Variants in DPYSL5 observed in about 807,000 individuals in gnomAD.
DPYSL5 encodes the protein dihydropyrimidinase like 5.
Under a neutral mutation model 58.4 loss-of-function variants are expected in DPYSL5, and 9 were observed. The ratio of observed to expected loss-of-function variants is 0.15; its 90% CI spans 0.09 to 0.27. The LOEUF (loss-of-function observed/expected upper bound fraction) is 0.27. Ranked by LOEUF, DPYSL5 falls within the 10% of genes least tolerant of loss-of-function variation. The probability of loss-of-function intolerance (pLI) is 1.00; values close to 1 mark genes in which losing one functional copy is unlikely to be tolerated. For synonymous variants in DPYSL5, 293 were observed against 301.9 expected (o/e 0.97, Z 0.31); for missense variants, 499 against 770.6 (o/e 0.65, Z 4.17).
chr2:26,868,600 C>T (rs764790190), intron 1 of DPYSL5, among the ~76,000 whole-genome samples: 1 of 152,176 alleles, frequency 6.6e-6, no homozygotes, highest in Non-Finnish European at 1.5e-5. Context: ...TCATTTTCCC[C>T]ACTGAATTGA....
chr2:26,899,196 C>T (rs962402869), intron 2 of DPYSL5, among the ~76,000 whole-genome samples: 3 of 152,152 alleles, frequency 2.0e-5, no homozygotes, highest in Admixed American at 2.0e-4. Flanking sequence ...GAGACAGCTT[C>T]TATTACCTCT....
At chr2:26,918,135 CAAAAAAAAAAAAAA>C (rs71401540) in intron 2 of DPYSL5, among the ~76,000 whole-genome samples, 3 of 54,076 alleles carry the variant, frequency 5.5e-5, no homozygotes, top group South Asian at 1.3e-3. Context: ...GAGTCTGTCT[CAAAAAAAAAAAAAA>C]AAAAAAAAAA....
chr2:26,885,980 GT>G (rs1270104895), intron 1 of DPYSL5, among the ~76,000 whole-genome samples: 1 of 152,216 alleles, frequency 6.6e-6, no homozygotes, highest in Non-Finnish European at 1.5e-5. Context: ...TCTGGATGGG[GT>G]GACTGGGGAC....
chr2:26,913,330 C>T (rs1664487103), intron 2 of DPYSL5, among the ~76,000 whole-genome samples: 1 of 152,176 alleles, frequency 6.6e-6, no homozygotes, highest in Non-Finnish European at 1.5e-5. Flanking sequence ...TTTGACTACT[C>T]CAGGTCCCTC....
intron 6 of DPYSL5, among the ~76,000 whole-genome samples, chr2:26,932,112 G>A (rs1177917905): frequency 3.7e-5 from 3 of 81,484 alleles, no homozygotes; most frequent in East Asian, 3.7e-4. Context: ...AGAAAGAAAA[G>A]AAAAAAGAAA....
At chr2:26,917,874 G>A (rs923903315) in intron 2 of DPYSL5, among the ~76,000 whole-genome samples, 1 of 152,078 alleles carries the variant, frequency 6.6e-6, no homozygotes, top group Non-Finnish European at 1.5e-5. Flanking sequence ...AGTGACTCAC[G>A]CCTGTAATCC....
intron 2 of DPYSL5, among the ~76,000 whole-genome samples, chr2:26,914,591 T>C (rs1295271619): frequency 6.6e-6 from 1 of 152,158 alleles, no homozygotes; most frequent in South Asian, 2.1e-4. Flanking sequence ...CTGTTCTTTA[T>C]TGATGAGGCT....
rs965274126 is a variant in DPYSL5 at position 26,949,838 on chromosome 2, C to T, written c.*2843C>T. On this transcript the variant is annotated 3_prime_UTR_variant, in exon 13 of 13. Coordinates refer to ENST00000288699, the MANE Select transcript of DPYSL5 (RefSeq NM_020134.4). ...CCCCGTGCAGAGCTCCAGCCAGCTTCGTCACCAGCCCCACTGGCTCCTGGT... is the reference window on the plus strand; with the variant it reads ...CCCCGTGCAGAGCTCCAGCCAGCTTTGTCACCAGCCCCACTGGCTCCTGGT... The T allele has an allele frequency of 3.9e-5, 6 of 152,614 alleles. No homozygotes were observed. The highest frequency in any genetic ancestry group is 1.9e-4 in the East Asian group (1 of 5,178). The allele number at this position is 152,614 out of a possible 1,614,324, so 9.5% of individuals were successfully genotyped here.
chr2:26,861,543 G>A (rs1666017166), intron 1 of DPYSL5, among the ~76,000 whole-genome samples: 1 of 152,334 alleles, frequency 6.6e-6, no homozygotes, highest in Middle Eastern at 3.4e-3. Context: ...GGGCACTTTA[G>A]CTTTCAGTGA....
At chr2:26,866,329 G>T (rs1321738955) in intron 1 of DPYSL5, among the ~76,000 whole-genome samples, 1 of 152,134 alleles carries the variant, frequency 6.6e-6, no homozygotes, top group East Asian at 1.9e-4. Context: ...GTTTTCCCCT[G>T]ATTTTATTAA....
chr2:26,932,201 A>AAGAAAGAAAGAAAGAC (rs1558351662), intron 6 of DPYSL5, among the ~76,000 whole-genome samples: 17 of 58,898 alleles, frequency 2.9e-4, no homozygotes, highest in Non-Finnish European at 6.0e-4. Context: ...GAAAGAAAGA[A>AAGAAAGAAAGAAAGAC]AGAAAGAAAA....
intron 1 of DPYSL5, among the ~76,000 whole-genome samples, chr2:26,850,869 C>T (rs1044966490): frequency 2.6e-5 from 4 of 152,166 alleles, no homozygotes; most frequent in African/African-American, 9.7e-5. Flanking sequence ...AGGTGCCTCA[C>T]AGAATTTACA....
Position 26,934,698 on chromosome 2 carries a change from C to A in DPYSL5, c.911C>A (p.Thr304Asn). The A allele has an allele frequency of 6.2e-7, 1 of 1,614,178 alleles. No homozygotes were observed. Among genetic ancestry groups the A allele is most frequent in the Non-Finnish European group, 8.5e-7 (1 of 1,180,030 alleles). Reference sequence around the variant, plus strand: ...ACGGTGCCTCCCCTGAGACTGGACACCAACACCTCAACCTACCTCATGAGC... The same window carrying A: ...ACGGTGCCTCCCCTGAGACTGGACAACAACACCTCAACCTACCTCATGAGC... ...YVTVPPLRLD[T>N]NTSTYLMSLL... The change falls in exon 8 of 13, where the codon ACC (threonine) becomes AAC (asparagine). Residue 304 changes from threonine (T) to asparagine (N), a missense_variant. Physicochemically the swap from Thr to Asn is moderately conservative, Grantham distance 65. Coordinates refer to ENST00000288699, the MANE Select transcript of DPYSL5 (RefSeq NM_020134.4). The surrounding 1 kb of genome is among the most constrained non-coding windows in gnomAD (Gnocchi z 4.3).
chr2:26,882,206 A>G (rs1663586515), intron 1 of DPYSL5, among the ~76,000 whole-genome samples: 1 of 152,006 alleles, frequency 6.6e-6, no homozygotes, highest in African/African-American at 2.4e-5. Flanking sequence ...TTTTTCAAAC[A>G]ATATAAAAGT....
rs1004032275 is a variant in DPYSL5 at position 26,877,549 on chromosome 2, C to T, written c.-4-20947C>T. Among the ~76,000 whole-genome samples, 2 of 152,214 alleles carry T rather than the reference C, an allele frequency of 1.3e-5. No homozygotes were observed. The highest frequency in any genetic ancestry group is 2.4e-5 in the African/African-American group (1 of 41,460). ...GCAGCTAGTGTTTAATCATCTCCTG[C>T]TAGCGCCTCATGTTTTACATTTTGG... On this transcript the variant is annotated intron_variant, in intron 1 of 12. Coordinates refer to ENST00000288699, the MANE Select transcript of DPYSL5 (RefSeq NM_020134.4). The surrounding 1 kb of genome is among the most constrained non-coding windows in gnomAD (Gnocchi z 4.1).
chr2:26,858,252 A>G (rs1012222290), intron 1 of DPYSL5, among the ~76,000 whole-genome samples: 9 of 122,476 alleles, frequency 7.3e-5, no homozygotes, highest in Non-Finnish European at 1.4e-4. Context: ...GCTCACTGCA[A>G]GCTCCGCCTC....
chr2:26,869,156 G>T (rs936579744), intron 1 of DPYSL5, among the ~76,000 whole-genome samples: 1 of 152,110 alleles, frequency 6.6e-6, no homozygotes, highest in African/African-American at 2.4e-5. Flanking sequence ...GAAGAGACAG[G>T]GTTTCACCAT....
chr2:26,898,281 C>T lies in DPYSL5; in HGVS notation c.-4-215C>T, dbSNP rs186105121. Among the ~76,000 whole-genome samples the T allele has an allele frequency of 7.6e-4, 115 of 152,202 alleles. 2 individuals carry two copies. The highest frequency in any genetic ancestry group is 3.5e-3 in the Admixed American group (54 of 15,296). ...GTAAAACATGATGTTTCTGTAGGCC[C>T]CAGCTTCTCCCTTACTGCAGCTGTG... On this transcript the variant is annotated intron_variant, in intron 1 of 12. Coordinates refer to ENST00000288699, the MANE Select transcript of DPYSL5 (RefSeq NM_020134.4). The surrounding 1 kb of genome is among the most constrained non-coding windows in gnomAD (Gnocchi z 6.1).
At chr2:26,915,534 T>A (rs1282904248) in intron 2 of DPYSL5, among the ~76,000 whole-genome samples, 1 of 152,186 alleles carries the variant, frequency 6.6e-6, no homozygotes, top group Non-Finnish European at 1.5e-5. Context: ...CCCTGACCCC[T>A]GGGCTCCCAG....
Sources: allele counts gnomAD v4.1 joint callset (sites outside exome capture counted in the v4.1 genomes callset), GRCh38; gene constraint gnomAD v4.1.1; non-coding constraint Gnocchi (gnomAD v3.1); transcripts MANE v1.5; gene names NCBI Gene and HGNC (gene_info 2026-07-23, HGNC 2026-07-21).